Variants in WDFY3 observed in about 807,000 individuals in gnomAD.
WDFY3 encodes WD repeat and FYVE domain-containing protein 3.
A neutral mutation model predicts 409.6 loss-of-function variants in WDFY3; 66 were observed. That is an observed-to-expected ratio of 0.16 (90% CI 0.13 to 0.20). WDFY3 has a LOEUF of 0.20. Among genes scored for constraint, WDFY3 ranks in the 10% least tolerant of loss-of-function variants. The probability of loss-of-function intolerance (pLI) is 1.00; values close to 1 mark genes in which losing one functional copy is unlikely to be tolerated. For missense variants in WDFY3, 3,031 were observed against 4,298.1 expected (o/e 0.71, Z 8.24); for synonymous variants, 1,521 against 1,537.1 (o/e 0.99, Z 0.25).
chr4:84,682,841 G>C (rs2148787897), intron 63 of WDFY3: 1 of 190,196 alleles, frequency 5.3e-6, no homozygotes, highest in East Asian at 1.4e-4. Context: ...AATTAGCCGG[G>C]CATAGCAGTG....
At chr4:84,823,887 A>G (rs1451504976) in intron 10 of WDFY3, among the ~76,000 whole-genome samples, 1 of 152,162 alleles carries the variant, frequency 6.6e-6, no homozygotes, top group East Asian at 1.9e-4. Context: ...TTAAACATAC[A>G]TTTACCATAT....
At chr4:84,776,208 G>A (rs567531467) in intron 27 of WDFY3, among the ~76,000 whole-genome samples, 5 of 151,956 alleles carry the variant, frequency 3.3e-5, no homozygotes, top group African/African-American at 1.2e-4. Context: ...TATTTATAAG[G>A]TATAATATTC....
chr4:84,759,073 T>C (rs1742007060), intron 32 of WDFY3, among the ~76,000 whole-genome samples: 1 of 152,202 alleles, frequency 6.6e-6, no homozygotes, highest in Admixed American at 6.5e-5. Flanking sequence ...CCTTTCCCCA[T>C]TGCTTGTTTT....
chr4:84,949,693 C>A (rs1190046837), intron 1 of WDFY3, among the ~76,000 whole-genome samples: 2 of 152,130 alleles, frequency 1.3e-5, no homozygotes, highest in Admixed American at 1.3e-4. Context: ...ATTAATATTA[C>A]ACCTTCATTA....
At chr4:84,678,111 C>T in intron 66 of WDFY3, 57 bp downstream of exon 66, 2 of 1,376,386 alleles carry the variant, frequency 1.5e-6, no homozygotes, top group South Asian at 1.2e-5. Flanking sequence ...GTATGTGGCC[C>T]TTGGCTAACC....
At chr4:84,731,842 G>A (rs1301440722) in intron 44 of WDFY3, among the ~76,000 whole-genome samples, 1 of 152,164 alleles carries the variant, frequency 6.6e-6, no homozygotes, top group African/African-American at 2.4e-5. Context: ...AAATGCCTCA[G>A]TTAAATCTAA....
At chr4:84,715,648 A>G (rs184168340) in intron 49 of WDFY3, among the ~76,000 whole-genome samples, 3 of 151,292 alleles carry the variant, frequency 2.0e-5, no homozygotes, top group East Asian at 2.0e-4. Context: ...GGTGGCGGGT[A>G]CCTGTAGTCC....
At chr4:84,711,850 CAAA>C (rs571281125) in intron 51 of WDFY3, among the ~76,000 whole-genome samples, 1 of 129,856 alleles carries the variant, frequency 7.7e-6, no homozygotes, top group African/African-American at 2.9e-5. Context: ...GACTCCGTCT[CAAA>C]AAAAAAAAAT....
chr4:84,735,015 A>G, intron 43 of WDFY3, 28 bp downstream of exon 43: 1 of 1,589,108 alleles, frequency 6.3e-7, no homozygotes, highest in South Asian at 1.1e-5. Context: ...ATGTAAAACA[A>G]ACCATTATGA....
chr4:84,689,131 G>A (rs141799290), intron 61 of WDFY3, among the ~76,000 whole-genome samples: 11 of 152,318 alleles, frequency 7.2e-5, no homozygotes, highest in African/African-American at 2.6e-4. Flanking sequence ...AGCCTTGGGT[G>A]TAAATCAGTG....
intron 37 of WDFY3, among the ~76,000 whole-genome samples, chr4:84,742,238 G>A (rs1272549977): frequency 2.0e-5 from 3 of 152,132 alleles, no homozygotes; most frequent in Non-Finnish European, 4.4e-5. Context: ...GAGAGAAAAC[G>A]GGCCAGTTTA....
chr4:84,690,417 C>A, intron 61 of WDFY3, 89 bp downstream of exon 61: 1 of 1,583,608 alleles, frequency 6.3e-7, no homozygotes, highest in Non-Finnish European at 8.6e-7. Flanking sequence ...TGAAGTACCT[C>A]AGAATTAAGG....
At chr4:84,941,812 G>C (rs966111726) in intron 1 of WDFY3, among the ~76,000 whole-genome samples, 2 of 151,884 alleles carry the variant, frequency 1.3e-5, no homozygotes, top group Non-Finnish European at 2.9e-5. Context: ...GTGTGGCAGT[G>C]GTAAAAGCAC....
intron 30 of WDFY3, among the ~76,000 whole-genome samples, chr4:84,769,238 C>T (rs1327178643): frequency 6.6e-6 from 1 of 152,136 alleles, no homozygotes; most frequent in African/African-American, 2.4e-5. Context: ...CAGAATATTA[C>T]ATAAACTTAA....
chr4:84,849,775 AGGGAAT>A (rs1758627350), intron 5 of WDFY3, 121 bp downstream of exon 5: 1 of 1,301,294 alleles, frequency 7.7e-7, no homozygotes, highest in African/African-American at 1.5e-5. Flanking sequence ...AGAAAGGGAA[AGGGAAT>A]GGGTAAATGA....
chr4:84,961,841 G>A (rs2151210455), intron 1 of WDFY3, among the ~76,000 whole-genome samples: 1 of 152,200 alleles, frequency 6.6e-6, no homozygotes, highest in South Asian at 2.1e-4. Context: ...TATTGCTGTA[G>A]GAATGTAAAA....
chr4:84,683,762 A>G (rs958962449), intron 63 of WDFY3, among the ~76,000 whole-genome samples, 181 bp downstream of exon 63: 17 of 152,244 alleles, frequency 1.1e-4, no homozygotes, highest in African/African-American at 4.8e-5. Context: ...GGAAGAAAAG[A>G]GGCCAAGACA....
intron 1 of WDFY3, among the ~76,000 whole-genome samples, chr4:84,943,083 A>G (rs1398628437): frequency 6.6e-6 from 1 of 152,224 alleles, no homozygotes; most frequent in Non-Finnish European, 1.5e-5. Context: ...CGGCCAACTC[A>G]GTGTGAAGAC....
chr4:84,819,331 A>C (rs1753745813), intron 12 of WDFY3, among the ~76,000 whole-genome samples: 2 of 152,032 alleles, frequency 1.3e-5, no homozygotes, highest in Non-Finnish European at 2.9e-5. Context: ...GCAAACAGTC[A>C]TGCATTTGGG....
Sources: allele counts gnomAD v4.1 joint callset (sites outside exome capture counted in the v4.1 genomes callset), GRCh38; gene constraint gnomAD v4.1.1; transcripts MANE v1.5; gene names NCBI Gene and HGNC (gene_info 2026-07-23, HGNC 2026-07-21).